The following FMNL2 variants were observed in gnomAD, a reference collection of about 807,000 sequenced individuals.
FMNL2 encodes formin like 2.
Under a neutral mutation model 130.2 loss-of-function variants are expected in FMNL2, and 51 were observed. That is an observed-to-expected ratio of 0.39 (90% CI 0.31 to 0.49). FMNL2 has a LOEUF of 0.49. FMNL2 is among the 20% of genes least tolerant of loss of function. FMNL2 has a pLI of 0.85. For synonymous variants in FMNL2, 465 were observed against 467.1 expected (o/e 1.00, Z 0.06); for missense variants, 977 against 1,316.2 (o/e 0.74, Z 3.99).
In FMNL2 at chr2:152,487,499, C is replaced by T. The variant is rs960556485; in HGVS notation, c.118-34444C>T. Among the ~76,000 whole-genome samples the T allele has an allele frequency of 1.2e-4, 19 of 152,186 alleles. No homozygotes were observed. The South Asian group carries it at 2.9e-3, about 23-fold the overall frequency. ...ATTTTACATTATCTATCAATGATAT[C>T]GGCGAAAACTAAAATTATTAGGAAG... On this transcript the variant is annotated intron_variant, in intron 1 of 25. Transcript: ENST00000288670.
intron 18 of FMNL2, among the ~76,000 whole-genome samples, chr2:152,628,887 A>G (rs139268129): frequency 1.8e-3 from 280 of 152,346 alleles, no homozygotes; most frequent in African/African-American, 6.6e-3. Context: ...GGCAAGACTG[A>G]AAATAAGACT....
chr2:152,354,217 T>TA (rs1363519231), intron 1 of FMNL2, among the ~76,000 whole-genome samples: 1 of 152,112 alleles, frequency 6.6e-6, no homozygotes, highest in African/African-American at 2.4e-5. Context: ...AATGAGAAAA[T>TA]ACATTGAAGT....
intron 9 of FMNL2, among the ~76,000 whole-genome samples, chr2:152,601,350 G>A (rs1698046530): frequency 6.8e-6 from 1 of 147,556 alleles, no homozygotes; most frequent in African/African-American, 2.5e-5. Context: ...ACCCAGGCTG[G>A]AGTGCAGTGG....
chr2:152,608,237 C>T (rs1323679874), intron 10 of FMNL2, among the ~76,000 whole-genome samples: 1 of 151,892 alleles, frequency 6.6e-6, no homozygotes, highest in Admixed American at 6.6e-5. Context: ...CTGAAGCAGA[C>T]GTACCAATGA....
intron 23 of FMNL2, among the ~76,000 whole-genome samples, chr2:152,638,592 C>T (rs1231291144): frequency 6.6e-6 from 1 of 152,220 alleles, no homozygotes; most frequent in African/African-American, 2.4e-5. Context: ...CTTCCCTCAG[C>T]ATGGCTTAAT....
chr2:152,649,580 A>C lies in FMNL2; in HGVS notation c.*1675A>C, dbSNP rs1293149709. 1 of 152,610 alleles carries C rather than the reference A, an allele frequency of 6.6e-6. No individual in the cohort carries two copies. Among genetic ancestry groups the C allele is most frequent in the East Asian group, 1.9e-4 (1 of 5,198 alleles). 9.5% of individuals were successfully genotyped at this position (152,610 alleles called of 1,614,324 possible). A position where few individuals can be genotyped will look rare whatever the true frequency, so the allele number is the denominator to read the frequency against. On this transcript the variant is annotated 3_prime_UTR_variant, in exon 26 of 26. Coordinates refer to ENST00000288670, the MANE Select transcript of FMNL2 (RefSeq NM_052905.4). ...AACATTCACTTCGATTAAAAATAGC[A>C]ATTTGACCAAGTTGGACTTCCACTA...
chr2:152,582,570 G>C (rs1407253861), intron 9 of FMNL2, among the ~76,000 whole-genome samples: 1 of 152,060 alleles, frequency 6.6e-6, no homozygotes, highest in Non-Finnish European at 1.5e-5. Flanking sequence ...AAGAATAATA[G>C]TGAATCTTTA....
intron 1 of FMNL2, among the ~76,000 whole-genome samples, chr2:152,446,471 G>T (rs900871219): frequency 6.6e-6 from 1 of 152,040 alleles, no homozygotes; most frequent in African/African-American, 2.4e-5. Context: ...ACATGGAGGT[G>T]CAGTATACTA....
chr2:152,585,760 T>C (rs986853982), intron 9 of FMNL2, among the ~76,000 whole-genome samples: 1 of 152,188 alleles, frequency 6.6e-6, no homozygotes, highest in Non-Finnish European at 1.5e-5. Context: ...CACTTCAGAT[T>C]TCTAAACACT....
At chr2:152,472,887 GCA>G (rs1004589100) in intron 1 of FMNL2, among the ~76,000 whole-genome samples, 1 of 152,214 alleles carries the variant, frequency 6.6e-6, no homozygotes, top group African/African-American at 2.4e-5. Flanking sequence ...GAAATAATGT[GCA>G]CAGAGTGTTT....
At chr2:152,484,050 G>T (rs956997053) in intron 1 of FMNL2, among the ~76,000 whole-genome samples, 1 of 152,192 alleles carries the variant, frequency 6.6e-6, no homozygotes, top group Non-Finnish European at 1.5e-5. Context: ...CTGGTCAGTG[G>T]TGTTGAATCA....
intron 1 of FMNL2, among the ~76,000 whole-genome samples, chr2:152,447,302 T>G (rs1688399113): frequency 6.6e-6 from 1 of 152,178 alleles, no homozygotes; most frequent in South Asian, 2.1e-4. Flanking sequence ...GAAGTCTCAC[T>G]GTGTTGCCCA....
intron 1 of FMNL2, among the ~76,000 whole-genome samples, chr2:152,405,121 T>C (rs1685913132): frequency 1.3e-5 from 2 of 152,162 alleles, no homozygotes; most frequent in African/African-American, 2.4e-5. Context: ...GTCTTACTAG[T>C]ATTGGGAGGC....
intron 1 of FMNL2, among the ~76,000 whole-genome samples, chr2:152,487,481 A>T (rs1690894260): frequency 6.6e-6 from 1 of 152,192 alleles, no homozygotes; most frequent in African/African-American, 2.4e-5. Context: ...GAAATTTTAC[A>T]TTATCTATCA....
intron 1 of FMNL2, among the ~76,000 whole-genome samples, chr2:152,342,513 C>T (rs903109339): frequency 6.6e-6 from 1 of 152,178 alleles, no homozygotes; most frequent in Non-Finnish European, 1.5e-5. Flanking sequence ...GCTTTGGAGT[C>T]ATGGTTCCTT....
intron 5 of FMNL2, among the ~76,000 whole-genome samples, chr2:152,559,509 G>C (rs1695409288): frequency 6.6e-6 from 1 of 152,134 alleles, no homozygotes; most frequent in Non-Finnish European, 1.5e-5. Context: ...TCACCATGTT[G>C]GGCAAGCTGC....
chr2:152,626,018 TTTA>T (rs1373253656), intron 16 of FMNL2, among the ~76,000 whole-genome samples: 1 of 151,826 alleles, frequency 6.6e-6, no homozygotes, highest in Non-Finnish European at 1.5e-5. Flanking sequence ...ATTTTTTTAT[TTTA>T]TTTTATTTTT....
intron 1 of FMNL2, among the ~76,000 whole-genome samples, chr2:152,393,066 C>T (rs1685205849): frequency 6.6e-6 from 1 of 152,112 alleles, no homozygotes. Context: ...CCTGAATGCC[C>T]CTTGTGGTAC....
intron 7 of FMNL2, among the ~76,000 whole-genome samples, chr2:152,577,205 C>T (rs970793366): frequency 4.1e-4 from 63 of 151,974 alleles, no homozygotes; most frequent in Admixed American, 4.1e-3. Flanking sequence ...ATGTTAAAGG[C>T]CACAGCATTG....
Sources: allele counts gnomAD v4.1 joint callset (sites outside exome capture counted in the v4.1 genomes callset), GRCh38; gene constraint gnomAD v4.1.1; transcripts MANE v1.5; gene names NCBI Gene and HGNC (gene_info 2026-07-23, HGNC 2026-07-21).